Variants in GMEB1 observed in about 807,000 individuals in gnomAD.
The protein encoded by GMEB1 is glucocorticoid modulatory element-binding protein 1.
Under a neutral mutation model 52.4 loss-of-function variants are expected in GMEB1, and 6 were observed. The ratio of observed to expected loss-of-function variants is 0.11; its 90% CI spans 0.06 to 0.23. The LOEUF (loss-of-function observed/expected upper bound fraction) is 0.23. GMEB1 is among the 10% of genes least tolerant of loss of function. The pLI is 1.00. For synonymous variants in GMEB1, 255 were observed against 244.9 expected, an observed-to-expected ratio of 1.04 and a Z score of -0.38; for missense variants, 486 against 685.6, an observed-to-expected ratio of 0.71 and a Z score of 3.25.
chr1:28,671,898 C>T (rs1467933993), intron 1 of GMEB1, among the ~76,000 whole-genome samples: 1 of 151,764 alleles, frequency 6.6e-6, no homozygotes, highest in African/African-American at 2.4e-5. Context: ...GGGCGGATCA[C>T]CTGAGGTCAG....
rs1668728620 is a variant in GMEB1, at chr1:28,668,856, G to T, written c.-31+17G>T. The T allele has an allele frequency of 1.4e-5, 2 of 145,450 alleles. No individual in the cohort carries two copies. The highest frequency in any genetic ancestry group is 2.5e-5 in the African/African-American group (1 of 40,516). The allele number at this position is 145,450 out of a possible 1,614,324, so 9.0% of individuals were successfully genotyped here. A position where few individuals can be genotyped will look rare whatever the true frequency, so the allele number is the denominator to read the frequency against. ...ACGGAGACGGTGAGGAGGGGGAGGGGTGGGCGCGCGGGCGCGGGGTGGGGT... is the reference window on the plus strand; with the variant it reads ...ACGGAGACGGTGAGGAGGGGGAGGGTTGGGCGCGCGGGCGCGGGGTGGGGT... On this transcript the variant is annotated intron_variant, in intron 1 of 9. Coordinates refer to ENST00000373816, the MANE Select transcript of GMEB1 (RefSeq NM_001319674.2).
At chr1:28,685,368 C>T (rs925733976) in intron 2 of GMEB1, among the ~76,000 whole-genome samples, 3 of 151,938 alleles carry the variant, frequency 2.0e-5, no homozygotes, top group Non-Finnish European at 4.4e-5. Context: ...TGCCACCGTG[C>T]CTGGCCAATT....
chr1:28,673,506 T>TG (rs1160673829), intron 1 of GMEB1, among the ~76,000 whole-genome samples: 1 of 146,660 alleles, frequency 6.8e-6, no homozygotes, highest in Non-Finnish European at 1.5e-5. Context: ...CCACCCTCCT[T>TG]GGCCTCCCAA....
At chr1:28,689,962 TG>T (rs1458953193) in intron 2 of GMEB1, 141 bp from the exon 3 acceptor site, 3 of 557,152 alleles carry the variant, frequency 5.4e-6, no homozygotes, top group Non-Finnish European at 9.4e-6. Context: ...TTAAATACAA[TG>T]GGAAACTAGT....
intron 4 of GMEB1, 56 bp from the exon 5 acceptor site, chr1:28,692,886 C>T: frequency 1.1e-6 from 1 of 872,918 alleles, no homozygotes; most frequent in Non-Finnish European, 1.8e-6. Context: ...ATTATTTCCC[C>T]TCTTGGCCTG....
At chr1:28,676,699 T>G (rs1669164755) in intron 1 of GMEB1, among the ~76,000 whole-genome samples, 1 of 150,092 alleles carries the variant, frequency 6.7e-6, no homozygotes, top group African/African-American at 2.4e-5. Context: ...CACTCCAGCC[T>G]GGGTGACAGA....
intron 7 of GMEB1, among the ~76,000 whole-genome samples, chr1:28,703,023 CAAAA>C (rs372649481): frequency 2.7e-5 from 4 of 149,904 alleles, no homozygotes; most frequent in African/African-American, 9.8e-5. Flanking sequence ...TCTCAAAAAA[CAAAA>C]AACAAAAAAC....
At chr1:28,704,435 T>A in intron 8 of GMEB1, 106 bp downstream of exon 8, 2 of 831,462 alleles carry the variant, frequency 2.4e-6, no homozygotes, top group Non-Finnish European at 3.5e-6. Context: ...ATTATTATCT[T>A]AATTTTACAG....
intron 2 of GMEB1, among the ~76,000 whole-genome samples, chr1:28,687,422 T>G (rs1442639933): frequency 1.1e-4 from 14 of 131,464 alleles, no homozygotes; most frequent in South Asian, 2.5e-4. Context: ...TTCTGGGAAG[T>G]GGCAGAAATA....
At chr1:28,674,006 G>A (rs1353133437) in intron 1 of GMEB1, among the ~76,000 whole-genome samples, 1 of 151,964 alleles carries the variant, frequency 6.6e-6, no homozygotes, top group Non-Finnish European at 1.5e-5. Context: ...AATTAGCCAG[G>A]CATGGTGGCG....
chr1:28,712,077 TTCC>T (rs1266454409), intron 9 of GMEB1, among the ~76,000 whole-genome samples: 1 of 152,104 alleles, frequency 6.6e-6, no homozygotes, highest in Non-Finnish European at 1.5e-5. Flanking sequence ...TAAATTGGGG[TTCC>T]CACAATCACC....
chr1:28,677,959 G>A (rs1669230021), intron 1 of GMEB1, among the ~76,000 whole-genome samples: 1 of 152,044 alleles, frequency 6.6e-6, no homozygotes, highest in Non-Finnish European at 1.5e-5. Flanking sequence ...CAAGGCAGGC[G>A]GATCACCTGA....
intron 6 of GMEB1, 73 bp downstream of exon 6, chr1:28,697,157 G>A: frequency 3.3e-6 from 1 of 304,654 alleles, no homozygotes; most frequent in South Asian, 3.7e-5. Context: ...TCTCCCTTGT[G>A]TGTACATATA....
intron 7 of GMEB1, 120 bp downstream of exon 7, chr1:28,702,689 T>G: frequency 1.3e-6 from 1 of 757,380 alleles, no homozygotes; most frequent in Non-Finnish European, 2.1e-6. Flanking sequence ...ACGTAAATAC[T>G]AACTATAGCT....
At chr1:28,676,923 G>A (rs1449745611) in intron 1 of GMEB1, among the ~76,000 whole-genome samples, 3 of 151,448 alleles carry the variant, frequency 2.0e-5, no homozygotes, top group East Asian at 2.0e-4. Context: ...ACATGGTGGC[G>A]GGCACCTGTA....
intron 3 of GMEB1, among the ~76,000 whole-genome samples, chr1:28,690,851 C>T (rs1033764907): frequency 3.3e-5 from 5 of 151,688 alleles, no homozygotes; most frequent in Admixed American, 1.3e-4. Context: ...TGTAGTGGTG[C>T]GCGCCTGTAA....
chr1:28,702,426 G>A lies in GMEB1; in HGVS notation c.599-12G>A, dbSNP rs1171921352. On this transcript the variant is annotated splice_polypyrimidine_tract_variant and intron_variant, in intron 6 of 9. Coordinates refer to ENST00000373816, the MANE Select transcript of GMEB1 (RefSeq NM_001319674.2). ...AAATTCACTGTTCTCACCTCTACTGGACTGTTTTTAGGTAGCATCACGCAG... is the reference window on the plus strand; with the variant it reads ...AAATTCACTGTTCTCACCTCTACTGAACTGTTTTTAGGTAGCATCACGCAG... 1 of 1,612,052 alleles carries A rather than the reference G, an allele frequency of 6.2e-7. No homozygotes were observed. The highest frequency in any genetic ancestry group is 8.5e-7 in the Non-Finnish European group (1 of 1,178,662).
At chr1:28,706,188 A>C (rs1670755299) in intron 8 of GMEB1, among the ~76,000 whole-genome samples, 1 of 149,810 alleles carries the variant, frequency 6.7e-6, no homozygotes, top group Non-Finnish European at 1.5e-5. Context: ...AAATAAATAA[A>C]GATTATTCTC....
intron 6 of GMEB1, among the ~76,000 whole-genome samples, chr1:28,700,497 G>C (rs1257867241): frequency 7.5e-6 from 1 of 133,470 alleles, no homozygotes; most frequent in African/African-American, 2.9e-5. Context: ...CTGGGCGACA[G>C]AGCAAGACTC....
Sources: allele counts gnomAD v4.1 joint callset (sites outside exome capture counted in the v4.1 genomes callset), GRCh38; gene constraint gnomAD v4.1.1; transcripts MANE v1.5; gene names NCBI Gene and HGNC (gene_info 2026-07-23, HGNC 2026-07-21).